The following ATG4A variants were observed in gnomAD, a reference collection of about 807,000 sequenced individuals.
The protein encoded by ATG4A is autophagy related 4A cysteine peptidase.
In ATG4A, 22 loss-of-function variants were observed where a neutral mutation model predicts 38.4. The ratio of observed to expected loss-of-function variants is 0.57; its 90% CI spans 0.41 to 0.82. The LOEUF is 0.82. Ranked by LOEUF, ATG4A falls within the 40% of genes least tolerant of loss-of-function variation. The pLI is 0.00. For synonymous variants in ATG4A, 86 were observed against 100.7 expected (o/e 0.85, Z 0.88); for missense variants, 220 against 290.0 (o/e 0.76, Z 1.75).
At chrX:108,088,968 C>T, upstream of ATG4A, 3 of 499,247 alleles carry the variant, frequency 6.0e-6, no homozygotes, top group Non-Finnish European at 1.0e-5. Flanking sequence ...ACTGGATCCT[C>T]AGGTAGGTAA....
At chrX:108,091,455 C>T (rs2147945431), upstream of ATG4A, 1 of 1,211,472 alleles carries the variant, frequency 8.3e-7, no homozygotes. Context: ...TACTCTCCTT[C>T]AACTCTTCCA....
At chrX:108,133,250 G>A (rs1456231111) in intron 4 of ATG4A, among the ~76,000 whole-genome samples, 1 of 112,346 alleles carries the variant, frequency 8.9e-6, no homozygotes, top group African/African-American at 3.2e-5. Context: ...TGTCTTGGAC[G>A]CAAACTAAGC....
intron 1 of ATG4A, among the ~76,000 whole-genome samples, chrX:108,123,838 CTG>C (rs2032725030): frequency 9.0e-6 from 1 of 111,598 alleles, no homozygotes; most frequent in South Asian, 3.8e-4. Flanking sequence ...CAGTGACTCA[CTG>C]AGACAGGGTT....
intron 1 of ATG4A, among the ~76,000 whole-genome samples, chrX:108,095,506 G>A (rs890218420): frequency 1.8e-5 from 2 of 111,270 alleles, no homozygotes; most frequent in Non-Finnish European, 3.8e-5. Context: ...TTACAGGTGT[G>A]AGCCACCATG....
chrX:108,123,858 G>C (rs2032725757), intron 1 of ATG4A, among the ~76,000 whole-genome samples: 1 of 111,750 alleles, frequency 8.9e-6, no homozygotes, highest in Non-Finnish European at 1.9e-5. Context: ...GTTGGCAATA[G>C]AGAAATGGTA....
chrX:108,142,628 C>T (rs964131937), intron 9 of ATG4A, among the ~76,000 whole-genome samples: 5 of 110,523 alleles, frequency 4.5e-5, no homozygotes, highest in African/African-American at 1.6e-4. Context: ...GTCTGAGTTC[C>T]AAAACTGAAG....
chrX:108,125,149 AATT>A (rs2032765150), intron 1 of ATG4A, among the ~76,000 whole-genome samples: 1 of 111,672 alleles, frequency 9.0e-6, no homozygotes, highest in East Asian at 2.8e-4. Flanking sequence ...TCTCTCAGAA[AATT>A]ATTATTATTT....
intron 2 of ATG4A, among the ~76,000 whole-genome samples, chrX:108,128,450 A>C (rs1263292134): frequency 9.0e-6 from 1 of 111,429 alleles, no homozygotes; most frequent in Admixed American, 9.5e-5. Flanking sequence ...TAGTCTTGTT[A>C]GTGGGTTCTC....
At chrX:108,110,131 G>A (rs1271595900) in intron 1 of ATG4A, among the ~76,000 whole-genome samples, 3 of 106,236 alleles carry the variant, frequency 2.8e-5, no homozygotes, top group African/African-American at 1.0e-4. Context: ...AGCACTTTGG[G>A]AGGCCAAGGC....
chrX:108,126,140 C>A lies in ATG4A; in HGVS notation c.74C>A (p.Thr25Lys). ...GACTACCTAGAAGAATATCCAGATA[C>A]AGATGAGCTGGTATGGATCTTAGGG... is the stretch of plus-strand genomic sequence containing the variant. The part of the protein sequence containing the change: ...FTDYLEEYPD[T>K]DELVWILGKQ... Residue 25 changes from threonine to lysine, a missense_variant, in exon 2 of 13, where the codon ACA becomes AAA. This residue lies in a region of ATG4A where 61 missense variants were observed against 83.3 expected (regional missense o/e 0.73). Coordinates refer to ENST00000372232, the MANE Select transcript of ATG4A (RefSeq NM_052936.5). 8.3e-7 allele frequency: 1 copy of A among 1,208,682 alleles called. No homozygotes were observed. Among genetic ancestry groups the A allele is most frequent in the Non-Finnish European group, 1.1e-6 (1 of 892,957 alleles).
rs2033648515 is a variant in ATG4A at position 108,153,914 on chromosome X, G to A, written c.*202G>A. 1 of 360,023 alleles carries A rather than the reference G, an allele frequency of 2.8e-6. No individual in the cohort carries two copies. Among genetic ancestry groups the A allele is most frequent in the Middle Eastern group, 7.8e-4 (1 of 1,274 alleles). The allele number at this position is 360,023 out of a possible 1,213,427, so 29.7% of individuals were successfully genotyped here. A position where few individuals can be genotyped will look rare whatever the true frequency, so the allele number is the denominator to read the frequency against. On this transcript the variant is annotated 3_prime_UTR_variant, in exon 13 of 13. Transcript: ENST00000372232. Reference sequence around the variant, plus strand: ...AATGACAGTAACCCTTCCCCGGAAAGAAATAGAACAATCATGGAGCCTAGG... The same window carrying A: ...AATGACAGTAACCCTTCCCCGGAAAAAAATAGAACAATCATGGAGCCTAGG...
At chrX:108,147,296 A>G (rs1189236021) in intron 9 of ATG4A, among the ~76,000 whole-genome samples, 1 of 111,606 alleles carries the variant, frequency 9.0e-6, no homozygotes, top group Admixed American at 9.5e-5. Flanking sequence ...TATTGCCACT[A>G]CTGGAGATGG....
intron 1 of ATG4A, among the ~76,000 whole-genome samples, chrX:108,108,245 C>T (rs963080447): frequency 2.2e-5 from 2 of 90,661 alleles, no homozygotes; most frequent in Admixed American, 1.4e-4. Context: ...TACTCAAAAA[C>T]AAATCCAGGG....
intron 1 of ATG4A, among the ~76,000 whole-genome samples, chrX:108,102,917 G>C (rs2032061833): frequency 9.2e-6 from 1 of 108,892 alleles, no homozygotes; most frequent in Non-Finnish European, 1.9e-5. Flanking sequence ...GTGATTTGCT[G>C]TACAGATCAA....
chrX:108,101,042 A>T (rs1341838629), intron 1 of ATG4A, among the ~76,000 whole-genome samples: 1 of 106,911 alleles, frequency 9.4e-6, no homozygotes, highest in Non-Finnish European at 2.0e-5. Flanking sequence ...TCAATGAAGA[A>T]TTTTTTTTTT....
At chrX:108,124,939 C>T (rs1034320457) in intron 1 of ATG4A, among the ~76,000 whole-genome samples, 9 of 111,463 alleles carry the variant, frequency 8.1e-5, no homozygotes, top group African/African-American at 2.9e-4. Flanking sequence ...CTCTGTGTTC[C>T]CTTCCTCACA....
At chrX:108,113,791 A>G (rs762042463) in intron 1 of ATG4A, among the ~76,000 whole-genome samples, 30 of 111,634 alleles carry the variant, frequency 2.7e-4, no homozygotes, top group Non-Finnish European at 4.5e-4. Flanking sequence ...TCACGAGAAT[A>G]GCACGGGAAA....
At chrX:108,091,655 C>T (rs1438844819), upstream of ATG4A, 7 of 905,199 alleles carry the variant, frequency 7.7e-6, no homozygotes, top group Non-Finnish European at 1.1e-5. Context: ...TTTCCCGTCG[C>T]GCGGCGCCTC....
intron 9 of ATG4A, among the ~76,000 whole-genome samples, chrX:108,141,198 C>T (rs2033284928): frequency 1.0e-5 from 1 of 99,166 alleles, no homozygotes; most frequent in African/African-American, 3.7e-5. Context: ...GCCAGGTCAG[C>T]CTTGGTGAGT....
Sources: gnomAD v4.1 joint callset for allele counts (sites outside exome capture counted in the v4.1 genomes callset) on GRCh38, gnomAD v4.1.1 for gene constraint, gnomAD v4.1.1 regional missense constraint, MANE v1.5 for transcripts, NCBI Gene and HGNC (gene_info 2026-07-23, HGNC 2026-07-21) for gene names.